CSTPP1: variants seen among roughly 807,000 people sequenced by gnomAD.
CSTPP1 encodes centriolar satellite-associated tubulin polyglutamylase complex regulator 1, also known as UPF0705 protein C11orf49.
At chr11:47,146,493 A>G in the CSTPP1 span, among the ~76,000 whole-genome samples, 3 of 152,332 alleles carry the variant, frequency 2.0e-5, no homozygotes, top group East Asian at 5.8e-4. Context: ...ACCTTTGGGC[A>G]TATTTTCATG....
the CSTPP1 span, among the ~76,000 whole-genome samples, chr11:47,051,557 T>C: frequency 6.6e-6 from 1 of 152,170 alleles, no homozygotes; most frequent in South Asian, 2.1e-4. Flanking sequence ...GGGATTTGTC[T>C]CTGGGGTTAT....
At chr11:46,974,593 C>T in the CSTPP1 span, among the ~76,000 whole-genome samples, 12,137 of 151,372 alleles carry the variant, frequency 0.08, 514 homozygotes, top group Non-Finnish European at 0.089. Context: ...GTAATCCCAG[C>T]ACTTTGGGAG....
At chr11:46,973,163 A>G in the CSTPP1 span, among the ~76,000 whole-genome samples, 1 of 152,332 alleles carries the variant, frequency 6.6e-6, no homozygotes, top group East Asian at 1.9e-4. Flanking sequence ...TTTAAAACAC[A>G]GTAAGCACTG....
the CSTPP1 span, among the ~76,000 whole-genome samples, chr11:47,099,626 T>G: frequency 8.5e-5 from 13 of 152,344 alleles, no homozygotes; most frequent in East Asian, 2.3e-3. Flanking sequence ...AAGGGGAAGT[T>G]GAACTGGGTA....
chr11:47,137,597 G>T, the CSTPP1 span: 2 of 1,613,612 alleles, frequency 1.2e-6, no homozygotes, highest in South Asian at 2.2e-5. Flanking sequence ...AGAGGGCAGT[G>T]ACTTGAAATG....
chr11:47,107,638 A>G, the CSTPP1 span, among the ~76,000 whole-genome samples: 4 of 151,760 alleles, frequency 2.6e-5, no homozygotes, highest in African/African-American at 9.7e-5. Flanking sequence ...TGTCCAGGAG[A>G]GAAGGAGACA....
chr11:47,070,479 C>T, the CSTPP1 span, among the ~76,000 whole-genome samples: 2 of 152,168 alleles, frequency 1.3e-5, no homozygotes, highest in Admixed American at 6.5e-5. Flanking sequence ...TACTCGACCA[C>T]AGCCAGCAGG....
the CSTPP1 span, among the ~76,000 whole-genome samples, chr11:46,953,233 G>C: frequency 2.0e-5 from 3 of 152,100 alleles, no homozygotes; most frequent in Non-Finnish European, 1.5e-5. Context: ...GAGGGTGAAG[G>C]CGTTGAGAAT....
chr11:46,992,443 G>A, the CSTPP1 span, among the ~76,000 whole-genome samples: 1 of 134,970 alleles, frequency 7.4e-6, no homozygotes, highest in African/African-American at 2.8e-5. Context: ...CTGTGTCCAA[G>A]TGTTTTCATT....
chr11:47,046,204 T>G, the CSTPP1 span, among the ~76,000 whole-genome samples: 1 of 149,118 alleles, frequency 6.7e-6, no homozygotes, highest in East Asian at 2.0e-4. Flanking sequence ...ACATCCAAAT[T>G]GGAAAGTAAA....
At chr11:47,008,043 C>T in the CSTPP1 span, among the ~76,000 whole-genome samples, 1 of 152,152 alleles carries the variant, frequency 6.6e-6, no homozygotes, top group South Asian at 2.1e-4. Flanking sequence ...TCTTGGCTCA[C>T]TGCAACCTCT....
chr11:47,145,224 G>A, the CSTPP1 span, among the ~76,000 whole-genome samples: 1 of 152,042 alleles, frequency 6.6e-6, no homozygotes, highest in South Asian at 2.1e-4. Context: ...TTGACCTTAT[G>A]ATCTGCCTGC....
chr11:47,060,826 G>A, the CSTPP1 span, among the ~76,000 whole-genome samples: 4 of 152,264 alleles, frequency 2.6e-5, no homozygotes, highest in African/African-American at 9.6e-5. Context: ...GAAGTTAGTA[G>A]AATCTTCTCC....
At chr11:47,049,064 C>T in the CSTPP1 span, among the ~76,000 whole-genome samples, 4 of 152,102 alleles carry the variant, frequency 2.6e-5, no homozygotes, top group African/African-American at 9.7e-5. Context: ...CAGCTCACTG[C>T]AGCCTTGACC....
the CSTPP1 span, chr11:47,161,566 T>G: frequency 6.2e-7 from 1 of 1,613,928 alleles, no homozygotes; most frequent in African/African-American, 1.3e-5. Context: ...CCTGGAGACC[T>G]CTCCATCATT....
the CSTPP1 span, among the ~76,000 whole-genome samples, chr11:47,044,886 G>A: frequency 2.6e-5 from 4 of 152,170 alleles, no homozygotes; most frequent in Non-Finnish European, 5.9e-5. Flanking sequence ...TCCAGCCTGG[G>A]CAACAAAGTG....
the CSTPP1 span, among the ~76,000 whole-genome samples, chr11:47,018,060 G>A: frequency 1.3e-5 from 2 of 152,144 alleles, no homozygotes; most frequent in African/African-American, 4.8e-5. Flanking sequence ...GCATGTGTCA[G>A]TACTTTGCTT....
the CSTPP1 span, among the ~76,000 whole-genome samples, chr11:47,115,004 C>T: frequency 8.5e-5 from 13 of 152,148 alleles, no homozygotes; most frequent in African/African-American, 3.1e-4. Context: ...AGATACGTTC[C>T]ATCAATACCT....
At chr11:47,055,052 C>T in the CSTPP1 span, among the ~76,000 whole-genome samples, 1 of 150,794 alleles carries the variant, frequency 6.6e-6, no homozygotes, top group Non-Finnish European at 1.5e-5. Flanking sequence ...GTGATCCTCC[C>T]ACCTCAAGTA....
Sources: gnomAD v4.1 joint callset for allele counts (sites outside exome capture counted in the v4.1 genomes callset) on GRCh38, gnomAD v4.1.1 for gene constraint, MANE v1.5 for transcripts, NCBI Gene and HGNC (gene_info 2026-07-23, HGNC 2026-07-21) for gene names.